NRXN3: variants seen among roughly 807,000 people sequenced by gnomAD.
The protein encoded by NRXN3 is neurexin III.
A neutral mutation model predicts 137.6 loss-of-function variants in NRXN3; 32 were observed. That is an observed-to-expected ratio of 0.23 (90% CI 0.18 to 0.31). The LOEUF (loss-of-function observed/expected upper bound fraction) is 0.31, where lower values mean the gene tolerates loss of function less well. Among genes scored for constraint, NRXN3 ranks in the 10% least tolerant of loss-of-function variants. The pLI, the probability that NRXN3 is intolerant of heterozygous loss-of-function variation, is 1.00. For missense variants in NRXN3, 1,574 were observed against 2,062.5 expected, an observed-to-expected ratio of 0.76 and a Z score of 4.59; for synonymous variants, 798 against 784.5, an observed-to-expected ratio of 1.02 and a Z score of -0.29.
intron 8 of NRXN3, among the ~76,000 whole-genome samples, chr14:78,775,218 A>G (rs887294847): frequency 6.6e-6 from 1 of 152,196 alleles, no homozygotes; most frequent in Non-Finnish European, 1.5e-5. Flanking sequence ...CTTGTTTAAG[A>G]GCTTTTTACA....
chr14:78,357,636 T>C (rs953366416), intron 4 of NRXN3, among the ~76,000 whole-genome samples: 12 of 152,208 alleles, frequency 7.9e-5, no homozygotes, highest in Non-Finnish European at 1.5e-4. Flanking sequence ...TCTTCTCTTA[T>C]TTTAAGCATA....
At chr14:78,697,640 CCTTGAAAGGGAG>C (rs1490937288) in intron 6 of NRXN3, among the ~76,000 whole-genome samples, 1 of 151,922 alleles carries the variant, frequency 6.6e-6, no homozygotes, top group Non-Finnish European at 1.5e-5. Flanking sequence ...TATACCATCA[CCTTGAAAGGGAG>C]TCCCAAGAAA....
intron 16 of NRXN3, 61 bp downstream of exon 16, chr14:79,467,463 A>T: frequency 7.0e-7 from 1 of 1,430,310 alleles, no homozygotes; most frequent in Non-Finnish European, 9.6e-7. Flanking sequence ...TTAGTGATTC[A>T]GGTAGACGCA....
intron 15 of NRXN3, among the ~76,000 whole-genome samples, chr14:79,241,702 C>A (rs1370423677): frequency 6.6e-6 from 1 of 152,120 alleles, no homozygotes; most frequent in East Asian, 1.9e-4. Context: ...ACAATAACAG[C>A]AACAAAAGGT....
intron 16 of NRXN3, among the ~76,000 whole-genome samples, chr14:79,556,696 C>T (rs933528413): frequency 6.6e-6 from 1 of 152,152 alleles, no homozygotes; most frequent in Non-Finnish European, 1.5e-5. Context: ...GCTGGGACTA[C>T]AGGCATGCAC....
intron 15 of NRXN3, among the ~76,000 whole-genome samples, chr14:79,337,214 G>C (rs563393453): frequency 7.2e-5 from 11 of 152,142 alleles, no homozygotes; most frequent in Non-Finnish European, 1.6e-4. Flanking sequence ...TCTTCTGGAG[G>C]GAGGTAATTA....
chr14:78,403,840 A>G (rs1332532469), intron 4 of NRXN3: 6 of 985,396 alleles, frequency 6.1e-6, no homozygotes, highest in Non-Finnish European at 7.2e-6. Flanking sequence ...TGCACTCTGC[A>G]CTTCCATTCC....
chr14:78,295,884 C>T (rs920987169), intron 3 of NRXN3, among the ~76,000 whole-genome samples: 7 of 152,128 alleles, frequency 4.6e-5, no homozygotes, highest in African/African-American at 1.7e-4. Flanking sequence ...AAAATATTCA[C>T]GTGGGTCAAA....
intron 1 of NRXN3, among the ~76,000 whole-genome samples, chr14:78,202,786 T>C (rs1038887713): frequency 5.3e-5 from 8 of 152,206 alleles, no homozygotes. Context: ...AGGGGACCAA[T>C]TTCCGAGTAC....
chr14:79,559,557 G>A (rs1291948200), intron 16 of NRXN3, among the ~76,000 whole-genome samples: 1 of 151,910 alleles, frequency 6.6e-6, no homozygotes, highest in East Asian at 1.9e-4. Context: ...ACTGATCACA[G>A]GTCACCATAA....
At chr14:79,371,757 C>T (rs1315995882) in intron 15 of NRXN3, among the ~76,000 whole-genome samples, 1 of 152,004 alleles carries the variant, frequency 6.6e-6, no homozygotes, top group African/African-American at 2.4e-5. Context: ...TTCTTATGCA[C>T]CTTCATAGTA....
chr14:78,680,222 G>A (rs2152740382), intron 6 of NRXN3, among the ~76,000 whole-genome samples: 1 of 152,120 alleles, frequency 6.6e-6, no homozygotes, highest in African/African-American at 2.4e-5. Context: ...ACTGGGGCCT[G>A]TAGGAAGACA....
intron 1 of NRXN3, among the ~76,000 whole-genome samples, chr14:78,211,442 G>T (rs1436726796): frequency 6.6e-6 from 1 of 152,194 alleles, no homozygotes; most frequent in Non-Finnish European, 1.5e-5. Flanking sequence ...CCCTCCTCTG[G>T]TCTGCCAAGG....
At chr14:78,848,226 T>C (rs1567501941) in intron 10 of NRXN3, among the ~76,000 whole-genome samples, 1 of 152,100 alleles carries the variant, frequency 6.6e-6, no homozygotes, top group Non-Finnish European at 1.5e-5. Flanking sequence ...TTCTCTATGT[T>C]TAGTGAGCGA....
At chr14:79,154,455 GT>G (rs1472111141) in intron 15 of NRXN3, among the ~76,000 whole-genome samples, 2 of 151,852 alleles carry the variant, frequency 1.3e-5, no homozygotes, top group African/African-American at 4.8e-5. Context: ...TTGGCAACAT[GT>G]TTTTTTAAGC....
chr14:79,509,796 A>G (rs1567334311), intron 16 of NRXN3, among the ~76,000 whole-genome samples: 2 of 152,078 alleles, frequency 1.3e-5, no homozygotes, highest in Non-Finnish European at 2.9e-5. Flanking sequence ...AAACATAATA[A>G]CTTTTATTAT....
intron 10 of NRXN3, among the ~76,000 whole-genome samples, chr14:78,930,975 A>C (rs2099320085): frequency 6.6e-6 from 1 of 152,192 alleles, no homozygotes; most frequent in Admixed American, 6.5e-5. Context: ...TTTGAATATA[A>C]AGAAGAAAAT....
intron 10 of NRXN3, among the ~76,000 whole-genome samples, chr14:78,856,375 T>C (rs745514805): frequency 3.1e-4 from 47 of 152,288 alleles, no homozygotes; most frequent in Admixed American, 1.0e-3. Context: ...ATTTAGAGGG[T>C]ATATTCAAAA....
At chr14:78,394,951 C>A (rs777811789) in intron 4 of NRXN3, among the ~76,000 whole-genome samples, 1 of 151,704 alleles carries the variant, frequency 6.6e-6, no homozygotes, top group Non-Finnish European at 1.5e-5. Flanking sequence ...CAATTTGTGT[C>A]TTCTGTCTAA....
Sources: gnomAD v4.1 joint callset for allele counts (sites outside exome capture counted in the v4.1 genomes callset) on GRCh38, gnomAD v4.1.1 for gene constraint, MANE v1.5 for transcripts, NCBI Gene and HGNC (gene_info 2026-07-23, HGNC 2026-07-21) for gene names.